The following AGAP4 variants were observed in gnomAD, a reference collection of about 807,000 sequenced individuals.
AGAP4 encodes the protein ArfGAP with GTPase domain, ankyrin repeat and PH domain 4.
Under a neutral mutation model 60.7 loss-of-function variants are expected in AGAP4, and 13 were observed. The ratio of observed to expected loss-of-function variants is 0.21; its 90% CI spans 0.14 to 0.34. The LOEUF (loss-of-function observed/expected upper bound fraction) is 0.34. AGAP4 is among the 10% of genes least tolerant of loss of function. The pLI, the probability that AGAP4 is intolerant of heterozygous loss-of-function variation, is 1.00. For missense variants in AGAP4, 169 were observed against 884.0 expected, an observed-to-expected ratio of 0.19 and a Z score of 10.26; for synonymous variants, 70 against 339.0, an observed-to-expected ratio of 0.21 and a Z score of 8.72.
At chr10:45,836,952 T>C (rs1465840062) in intron 4 of AGAP4, among the ~76,000 whole-genome samples, 1 of 149,690 alleles carries the variant, frequency 6.7e-6, no homozygotes, top group East Asian at 2.0e-4. Flanking sequence ...CTGCAACCTC[T>C]GCCTCCGAGG....
chr10:45,830,630 T>C (rs1590017446), intron 6 of AGAP4, among the ~76,000 whole-genome samples: 2 of 124,784 alleles, frequency 1.6e-5, no homozygotes, highest in African/African-American at 6.2e-5. Context: ...GGACTACAGG[T>C]GCGTGCCATC....
intron 5 of AGAP4, among the ~76,000 whole-genome samples, chr10:45,831,919 G>C (rs2058738098): frequency 1.4e-5 from 2 of 148,062 alleles, no homozygotes; most frequent in African/African-American, 5.0e-5. Flanking sequence ...TTTTTTTGGG[G>C]GGTGGGGTGG....
At chr10:45,853,804 G>C (rs1366113465) in exon 1 of AGAP4, 76 of 1,286,974 alleles carry the variant, frequency 5.9e-5, no homozygotes, top group Non-Finnish European at 7.4e-5. Context: ...ACAAGATCTT[G>C]TCTTTGCTGG....
chr10:45,834,805 G>C (rs1490206461), intron 4 of AGAP4, among the ~76,000 whole-genome samples: 5 of 138,322 alleles, frequency 3.6e-5, no homozygotes, highest in Non-Finnish European at 6.1e-5. Flanking sequence ...ACGGAGTCTC[G>C]CTCTGTCGCC....
upstream of AGAP4, among the ~76,000 whole-genome samples, chr10:45,849,473 G>GATGATGATGATGATT: frequency 6.9e-6 from 1 of 145,106 alleles, no homozygotes; most frequent in African/African-American, 2.5e-5. Flanking sequence ...TGATGATGAT[G>GATGATGATGATGATT]ATTATTATTA....
chr10:45,829,393 TC>T, intron 6 of AGAP4, among the ~76,000 whole-genome samples: 2 of 147,438 alleles, frequency 1.4e-5, no homozygotes, highest in Non-Finnish European at 3.0e-5. Context: ...ATCACTTTTT[TC>T]ACAGAACATC....
intron 4 of AGAP4, among the ~76,000 whole-genome samples, chr10:45,834,975 G>T (rs1442782372): frequency 6.8e-6 from 1 of 146,486 alleles, no homozygotes; most frequent in East Asian, 2.0e-4. Flanking sequence ...GGGTTTCACC[G>T]TGTTAGCCAG....
rs1281361311 is a variant in AGAP4, at chr10:45,845,601, T to C, written c.292+1086A>G. Among the ~76,000 whole-genome samples, 4 of 115,792 alleles carry C rather than the reference T, an allele frequency of 3.5e-5. 1 individual carries two copies. The highest frequency in any genetic ancestry group is 7.5e-5 in the Non-Finnish European group (4 of 53,206). 76.0% of individuals were successfully genotyped at this position (115,792 alleles called of 152,430 possible). On this transcript the variant is annotated intron_variant, in intron 2 of 7. Transcript: ENST00000616763. ...TGTAGAGACTAAAAAACTCCAACTT[T>C]CTTTCCTTTTTTTTTTTGTGAGACG...
At position 45,831,389 on chromosome 10, in the gene AGAP4, C is replaced by T; in HGVS notation, c.533+5G>A. The T allele has an allele frequency of 6.3e-7, 1 of 1,585,486 alleles. No individual in the cohort carries two copies. On this transcript the variant is annotated splice_donor_5th_base_variant and intron_variant, in intron 6 of 7. Transcript: ENST00000616763. ...AATAACAAGACAGGTTTCTAAAAAG[C>T]TCACCTTTGTGTGATATGATGAGGT...
chr10:45,830,279 TCTCCTGCCTCAGC>T, intron 6 of AGAP4, among the ~76,000 whole-genome samples: 1 of 140,850 alleles, frequency 7.1e-6, no homozygotes, highest in Non-Finnish European at 1.6e-5. Context: ...CTCAAGCGAT[TCTCCTGCCTCAGC>T]CTCCCAAGTA....
At chr10:45,835,048 C>G (rs1481142789) in intron 4 of AGAP4, among the ~76,000 whole-genome samples, 2 of 146,314 alleles carry the variant, frequency 1.4e-5, no homozygotes, top group Non-Finnish European at 3.0e-5. Context: ...ACTGGGATTA[C>G]AGGCGTGAGC....
intron 4 of AGAP4, among the ~76,000 whole-genome samples, chr10:45,836,119 T>C (rs1308246436): frequency 1.6e-5 from 2 of 123,718 alleles, no homozygotes; most frequent in African/African-American, 5.7e-5. Flanking sequence ...ACGCACTGAC[T>C]TCTTCTGCTG....
chr10:45,852,283 C>T (rs532147981), upstream of AGAP4, among the ~76,000 whole-genome samples: 3,762 of 129,346 alleles, frequency 0.029, 206 homozygotes, highest in African/African-American at 0.11. Flanking sequence ...GAAAAGTCTA[C>T]ACTTCTTGAT....
At chr10:45,852,492 AAAT>A (rs1369355910), upstream of AGAP4, among the ~76,000 whole-genome samples, 4 of 150,630 alleles carry the variant, frequency 2.7e-5, no homozygotes, top group African/African-American at 9.8e-5. Context: ...GAAGAGGAAA[AAAT>A]AATAAGAAAA....
Position 45,827,311 on chromosome 10 carries a change from G to T in AGAP4, c.665C>A (p.Pro222His). ...NNYSSSIPST[P>H]STSQEDPQFS... ...CTGAGGGTCCTCCTGGCTGGTGCTG[G>T]GAGTCGATGGAATGGAGGAGGAATA... Residue 222 changes from proline to histidine, a missense_variant, in exon 8 of 8, where the codon CCC (proline) becomes CAC (histidine). Pro to His is a moderately conservative substitution (Grantham distance 77). Transcript: ENST00000616763. The T allele has an allele frequency of 6.3e-7, 1 of 1,589,816 alleles. No individual in the cohort carries two copies. Among genetic ancestry groups the T allele is most frequent in the Non-Finnish European group, 8.5e-7 (1 of 1,169,594 alleles).
At chr10:45,851,654 G>T (rs2059085111), upstream of AGAP4, among the ~76,000 whole-genome samples, 1 of 150,044 alleles carries the variant, frequency 6.7e-6, no homozygotes. Context: ...TTTATTCCAA[G>T]ATTCAACAAA....
chr10:45,834,730 T>C (rs1203994784), intron 4 of AGAP4, among the ~76,000 whole-genome samples: 23 of 136,778 alleles, frequency 1.7e-4, no homozygotes, highest in Admixed American at 7.1e-4. Flanking sequence ...CATTTTTTTT[T>C]CTGCAGCAAT....
In AGAP4 at chr10:45,826,863, C is replaced by T; in HGVS notation, c.1113G>A (p.Leu371=). Residue 371 remains leucine, a synonymous_variant, in exon 8 of 8, where the codon CTG becomes CTA. Transcript: ENST00000616763. The part of the protein sequence containing the change: ...NGLSKDMDTG[L]GDSICFSPSI... ...TGGGGCTGAAGCATATGGAGTCACC[C>T]AGCCCGGTGTCCATGTCCTTGGATA... 7.7e-7 allele frequency: 1 copy of T among 1,290,344 alleles called. No homozygotes were observed. Among genetic ancestry groups the T allele is most frequent in the East Asian group, 2.4e-5 (1 of 41,052 alleles). 79.9% of individuals were successfully genotyped at this position (1,290,344 alleles called of 1,614,324 possible).
At chr10:45,836,196 C>G (rs1374847397) in intron 4 of AGAP4, among the ~76,000 whole-genome samples, 1 of 150,456 alleles carries the variant, frequency 6.6e-6, no homozygotes, top group Non-Finnish European at 1.5e-5. Flanking sequence ...ACATCTTTCA[C>G]CTCCTTGGTT....
Sources: allele counts gnomAD v4.1 joint callset (sites outside exome capture counted in the v4.1 genomes callset), GRCh38; gene constraint gnomAD v4.1.1; transcripts MANE v1.5; gene names NCBI Gene and HGNC (gene_info 2026-07-23, HGNC 2026-07-21).